DAGLB: variants seen among roughly 807,000 people sequenced by gnomAD.
The protein encoded by DAGLB is diacylglycerol lipase-beta.
DAGLB carries 66 observed loss-of-function variants against 72.1 expected under a neutral mutation model. The ratio of observed to expected loss-of-function variants is 0.92; its 90% CI spans 0.75 to 1.12. The LOEUF is 1.12. Ranked by LOEUF, DAGLB falls within the 50% of genes most tolerant of loss-of-function variation. DAGLB has a pLI of 0.00. For missense variants in DAGLB, 1,065 were observed against 884.9 expected (o/e 1.20, Z -2.58); for synonymous variants, 414 against 359.5 (o/e 1.15, Z -1.71).
intron 6 of DAGLB, 144 bp from the exon 7 acceptor site, chr7:6,426,258 T>C: frequency 1.7e-6 from 2 of 1,186,522 alleles, no homozygotes; most frequent in Non-Finnish European, 2.3e-6. Context: ...GAATGGCTTT[T>C]TAAAACTTAA....
chr7:6,424,789 G>C lies in DAGLB; in HGVS notation c.1103C>G (p.Ser368Cys), dbSNP rs766831968. The change falls in exon 8 of 15, where the codon TCT becomes TGT. Residue 368 changes from serine to cysteine, a missense_variant. Ser to Cys is a moderately radical substitution (Grantham distance 112). Transcript: ENST00000297056. ...GGTCCCCCTCACAGCGACCACAACA[G>C]ACTCTTTCCTGTGATCCAGAGCCAC... ...FLVALDHRKE[S>C]VVVAVRGTMS... is the part of the protein sequence containing the mutation. 6.2e-7 allele frequency: 1 copy of C among 1,613,778 alleles called. No homozygotes were observed. The highest frequency in any genetic ancestry group is 8.5e-7 in the Non-Finnish European group (1 of 1,179,902).
intron 8 of DAGLB, among the ~76,000 whole-genome samples, chr7:6,423,482 G>A (rs1193214995): frequency 6.6e-6 from 1 of 152,154 alleles, no homozygotes; most frequent in Non-Finnish European, 1.5e-5. Context: ...GGAGTGCAAT[G>A]GCGCAATCTC....
intron 3 of DAGLB, chr7:6,435,600 C>G (rs943476585): frequency 3.2e-5 from 5 of 155,216 alleles, no homozygotes; most frequent in African/African-American, 1.2e-4. Context: ...GCAGCCTGCG[C>G]CCGGATGCAG....
chr7:6,444,330 G>A lies in DAGLB; in HGVS notation c.247+1623C>T, dbSNP rs548174984. On this transcript the variant is annotated intron_variant, in intron 2 of 14. Coordinates refer to ENST00000297056, the MANE Select transcript of DAGLB (RefSeq NM_139179.4). ...TGTAAAAATAAAAGGGACCAGGCGC[G>A]GTGACTCACACTTGTAATCCTAGCA... is the stretch of plus-strand genomic sequence containing the variant. Among the ~76,000 whole-genome samples, 26 of 152,220 alleles carry A rather than the reference G, an allele frequency of 1.7e-4. No individual in the cohort carries two copies. In the South Asian group the frequency reaches 2.3e-3, roughly 13 times the overall value.
At chr7:6,420,519 G>A (rs1473315453) in intron 9 of DAGLB, among the ~76,000 whole-genome samples, 1 of 152,108 alleles carries the variant, frequency 6.6e-6, no homozygotes, top group Non-Finnish European at 1.5e-5. Context: ...GTTCCCAGAA[G>A]AGACGACTTA....
chr7:6,412,793 A>G lies in DAGLB; in HGVS notation c.1569+18T>C. 6.4e-7 allele frequency: 1 copy of G among 1,571,084 alleles called. No homozygotes were observed. Among genetic ancestry groups the G allele is most frequent in the Non-Finnish European group, 8.7e-7 (1 of 1,155,650 alleles). On this transcript the variant is annotated intron_variant, in intron 13 of 14. Coordinates refer to ENST00000297056, the MANE Select transcript of DAGLB (RefSeq NM_139179.4). ...GGCCCCGTGTCCTGCTGACCCTCTCAACAAGGCACCCGCTTACCTTGGGTT... is the reference window on the plus strand; with the variant it reads ...GGCCCCGTGTCCTGCTGACCCTCTCGACAAGGCACCCGCTTACCTTGGGTT...
rs1355786363 is a variant in DAGLB at position 6,409,748 on chromosome 7, T to G, written c.*89A>C. ...TCCTGTTGATGGACATTCGCTGTTT[T>G]GGCGTCATGGGAACTCCTCGGATGG... On this transcript the variant is annotated 3_prime_UTR_variant, in exon 15 of 15. Transcript: ENST00000297056. 6 of 1,419,124 alleles carry G rather than the reference T, an allele frequency of 4.2e-6. No homozygotes were observed. The highest frequency in any genetic ancestry group is 4.8e-6 in the Non-Finnish European group (5 of 1,047,636). The allele number at this position is 1,419,124 out of a possible 1,614,324, so 87.9% of individuals were successfully genotyped here.
In DAGLB at chr7:6,426,038, T is replaced by C; in HGVS notation, c.1006A>G (p.Thr336Ala). The C allele has an allele frequency of 6.2e-7, 1 of 1,614,124 alleles. No homozygotes were observed. Among genetic ancestry groups the C allele is most frequent in the Non-Finnish European group, 8.5e-7 (1 of 1,180,022 alleles). ...LNCHFGSILHTTGLQYRDFIH... is the reference protein window; with the variant it reads ...LNCHFGSILHATGLQYRDFIH... Reference sequence around the variant, plus strand: ...AAGTCCCTGTACTGCAGCCCTGTGGTGTGCAGGATGGAGCCGAAGTGACAG... The same window carrying C: ...AAGTCCCTGTACTGCAGCCCTGTGGCGTGCAGGATGGAGCCGAAGTGACAG... The change falls in exon 7 of 15, where the codon ACC becomes GCC. Residue 336 changes from threonine (T) to alanine (A), a missense_variant. Thr to Ala is a moderately conservative substitution (Grantham distance 58). Coordinates refer to ENST00000297056, the MANE Select transcript of DAGLB (RefSeq NM_139179.4).
rs901091295 is a variant in DAGLB at position 6,422,035 on chromosome 7, T to C, written c.1141-231A>G. On this transcript the variant is annotated intron_variant, in intron 8 of 14. Coordinates refer to ENST00000297056, the MANE Select transcript of DAGLB (RefSeq NM_139179.4). Reference sequence around the variant, plus strand: ...CAGGCGTGAAGGGTGGAGGGGACCATGGAGTGTGCCTAAGACACGCCCTGC... The same window carrying C: ...CAGGCGTGAAGGGTGGAGGGGACCACGGAGTGTGCCTAAGACACGCCCTGC... The C allele has an allele frequency of 3.1e-5, 20 of 647,130 alleles. No homozygotes were observed. The African/African-American group carries it at 3.2e-4, about 10-fold the overall frequency. 40.1% of individuals were successfully genotyped at this position (647,130 alleles called of 1,614,324 possible).
intron 1 of DAGLB, among the ~76,000 whole-genome samples, chr7:6,446,747 G>C (rs1177626474): frequency 6.6e-6 from 1 of 150,502 alleles, no homozygotes; most frequent in Non-Finnish European, 1.5e-5. Context: ...GGCGGCTCAC[G>C]TCTGTAATCC....
intron 9 of DAGLB, among the ~76,000 whole-genome samples, chr7:6,420,170 G>A (rs1003363631): frequency 4.0e-5 from 6 of 151,878 alleles, no homozygotes; most frequent in Non-Finnish European, 5.9e-5. Flanking sequence ...GTCCAGGTGC[G>A]GTGGCTTATG....
At chr7:6,433,016 T>G (rs1003129941) in intron 4 of DAGLB, 57 bp from the exon 5 acceptor site, 1 of 1,578,066 alleles carries the variant, frequency 6.3e-7, no homozygotes, top group Non-Finnish European at 8.6e-7. Flanking sequence ...ACCCCCGGGT[T>G]CCCTAAAATC....
Position 6,430,549 on chromosome 7 carries a change from G to C in DAGLB, c.860C>G (p.Ala287Gly), listed in dbSNP as rs574498107. Reference sequence around the variant, plus strand: ...GATGTAGAGGGGCCACCCATAGGCCGCTGCTGCAAACTGCATGTAATGATG... The same window carrying C: ...GATGTAGAGGGGCCACCCATAGGCCCCTGCTGCAAACTGCATGTAATGATG... The part of the protein sequence containing the change: ...NCHHYMQFAA[A>G]AYGWPLYIYR... Residue 287 changes from alanine to glycine, a missense_variant, in exon 6 of 15, where the codon GCG (alanine) becomes GGG (glycine). Ala to Gly is a moderately conservative substitution (Grantham distance 60). Transcript: ENST00000297056. 2 of 1,602,666 alleles carry C rather than the reference G, an allele frequency of 1.2e-6. No homozygotes were observed. Among genetic ancestry groups the C allele is most frequent in the Non-Finnish European group, 1.7e-6 (2 of 1,172,554 alleles).
chr7:6,446,756 C>T (rs1376957433), intron 1 of DAGLB, among the ~76,000 whole-genome samples: 3 of 151,878 alleles, frequency 2.0e-5, no homozygotes, highest in Non-Finnish European at 4.4e-5. Context: ...CGTCTGTAAT[C>T]CTAGCACTTT....
Position 6,447,952 on chromosome 7 carries a change from C to A in DAGLB, c.-110G>T, listed in dbSNP as rs1785065601. The A allele has an allele frequency of 3.4e-6, 5 of 1,452,682 alleles. No homozygotes were observed. Among genetic ancestry groups the A allele is most frequent in the Admixed American group, 2.7e-5 (1 of 37,406 alleles). 90.0% of individuals were successfully genotyped at this position (1,452,682 alleles called of 1,614,324 possible). On this transcript the variant is annotated 5_prime_UTR_variant, in exon 1 of 15. Coordinates refer to ENST00000297056, the MANE Select transcript of DAGLB (RefSeq NM_139179.4). The stretch of plus-strand genomic sequence containing the variant: ...CAAATTATCGGCGCTCAAGCGCAAA[C>A]GCAGCGAGGGCGGGGACCTGCGCAT...
chr7:6,411,790 C>T (rs1583278117), intron 13 of DAGLB, among the ~76,000 whole-genome samples: 1 of 152,186 alleles, frequency 6.6e-6, no homozygotes, highest in African/African-American at 2.4e-5. Context: ...TACGTATTTT[C>T]AAATTTTTGT....
intron 2 of DAGLB, among the ~76,000 whole-genome samples, chr7:6,445,510 T>A (rs1198710978): frequency 6.6e-6 from 1 of 152,138 alleles, no homozygotes; most frequent in African/African-American, 2.4e-5. Flanking sequence ...GGGTATGGGA[T>A]CTCTTTCTTT....
rs1274464131 is a variant in DAGLB at position 6,410,075 on chromosome 7, G to T, written c.1821-40C>A. On this transcript the variant is annotated intron_variant, in intron 14 of 14. Transcript: ENST00000297056. ...GAGAGACAGCTCCCACGCGGCCCCAGGGCTGACCCCGCGCTGCTCCTGCCT... is the reference window on the plus strand; with the variant it reads ...GAGAGACAGCTCCCACGCGGCCCCATGGCTGACCCCGCGCTGCTCCTGCCT... 1.9e-6 allele frequency: 3 copies of T among 1,596,294 alleles called. No individual in the cohort carries two copies. In the South Asian group the frequency reaches 3.4e-5, roughly 18 times the overall value.
chr7:6,422,087 T>C (rs970545043), intron 8 of DAGLB: 4 of 500,880 alleles, frequency 8.0e-6, no homozygotes, highest in Admixed American at 7.4e-5. Context: ...ACACGTATTC[T>C]AAGGACCCCG....
Sources: allele counts gnomAD v4.1 joint callset (sites outside exome capture counted in the v4.1 genomes callset), GRCh38; gene constraint gnomAD v4.1.1; transcripts MANE v1.5; gene names NCBI Gene and HGNC (gene_info 2026-07-23, HGNC 2026-07-21).